OR14I1: variants seen among roughly 807,000 people sequenced by gnomAD.
The protein encoded by OR14I1 is olfactory receptor 14I1.
For synonymous variants in OR14I1, 118 were observed against 71.1 expected (o/e 1.66, Z -3.32); for missense variants, 279 against 181.8 (o/e 1.53, Z -3.07).
the OR14I1 span, among the ~76,000 whole-genome samples, chr1:248,695,277 G>A: frequency 5.2e-5 from 7 of 135,600 alleles, no homozygotes; most frequent in South Asian, 2.4e-4. Context: ...TCTGTCGCCC[G>A]GGCTGGAGTG....
At chr1:248,686,006 A>AACTT (rs113842116), upstream of OR14I1, among the ~76,000 whole-genome samples, 3,040 of 152,188 alleles carry the variant, frequency 0.02, 101 homozygotes, top group African/African-American at 0.07. Context: ...TATTAACAAA[A>AACTT]ACTTAGTAGT....
the OR14I1 span, among the ~76,000 whole-genome samples, chr1:248,702,276 T>C: frequency 1.4e-4 from 21 of 152,252 alleles, 1 homozygote; most frequent in South Asian, 3.3e-3. Context: ...CCTATGAGCC[T>C]GTAATATCAA....
chr1:248,690,524 A>G, the OR14I1 span, among the ~76,000 whole-genome samples: 1 of 148,986 alleles, frequency 6.7e-6, no homozygotes, highest in South Asian at 2.2e-4. Context: ...CCAAGACTAT[A>G]CCAGGAAGAA....
At chr1:248,689,381 T>A in the OR14I1 span, among the ~76,000 whole-genome samples, 1 of 152,172 alleles carries the variant, frequency 6.6e-6, no homozygotes, top group Non-Finnish European at 1.5e-5. Context: ...TCCAGGAACC[T>A]TACCTACCAG....
At chr1:248,702,249 C>T in the OR14I1 span, among the ~76,000 whole-genome samples, 3 of 152,250 alleles carry the variant, frequency 2.0e-5, no homozygotes, top group Non-Finnish European at 4.4e-5. Context: ...TTATCTGAGG[C>T]AAGAAAGTTC....
chr1:248,680,355 T>G (rs1288191304), downstream of OR14I1, among the ~76,000 whole-genome samples: 1 of 152,228 alleles, frequency 6.6e-6, no homozygotes, highest in African/African-American at 2.4e-5. Context: ...TAAAGTCCAG[T>G]GCCTAATGGA....
the OR14I1 span, among the ~76,000 whole-genome samples, chr1:248,694,907 C>T: frequency 6.6e-6 from 1 of 152,200 alleles, no homozygotes; most frequent in Non-Finnish European, 1.5e-5. Flanking sequence ...TATGCCTGTG[C>T]TGTCCAGTAC....
chr1:248,699,819 C>T, the OR14I1 span, among the ~76,000 whole-genome samples: 4 of 152,098 alleles, frequency 2.6e-5, no homozygotes, highest in Non-Finnish European at 4.4e-5. Context: ...AGTGCAGTGG[C>T]GCAATCTCGG....
chr1:248,696,468 G>A, the OR14I1 span, among the ~76,000 whole-genome samples: 3 of 152,084 alleles, frequency 2.0e-5, no homozygotes, highest in Admixed American at 2.0e-4. Context: ...ATGGAAGCGG[G>A]GAATCAGTCG....
the OR14I1 span, among the ~76,000 whole-genome samples, chr1:248,688,611 G>A: frequency 1.3e-5 from 2 of 152,140 alleles, no homozygotes; most frequent in Admixed American, 6.5e-5. Flanking sequence ...TCACAGACTG[G>A]TACAACTTTT....
the OR14I1 span, among the ~76,000 whole-genome samples, chr1:248,697,985 A>G: frequency 6.6e-6 from 1 of 152,238 alleles, no homozygotes; most frequent in Non-Finnish European, 1.5e-5. Context: ...AGACATTTAA[A>G]TGAGAAATGA....
chr1:248,679,030 G>T (rs1661518304), downstream of OR14I1, among the ~76,000 whole-genome samples: 1 of 152,166 alleles, frequency 6.6e-6, no homozygotes, highest in Non-Finnish European at 1.5e-5. Context: ...TGTATAAAAA[G>T]CTGTTAGATC....
At chr1:248,683,227 T>C (rs1661593077), upstream of OR14I1, among the ~76,000 whole-genome samples, 1 of 152,142 alleles carries the variant, frequency 6.6e-6, no homozygotes, top group Admixed American at 6.5e-5. Context: ...TCATAGAAAA[T>C]AACTTTGACT....
chr1:248,687,184 A>T (rs1438577200), upstream of OR14I1, among the ~76,000 whole-genome samples: 1 of 152,250 alleles, frequency 6.6e-6, no homozygotes, highest in East Asian at 1.9e-4. Context: ...CAGTGAAAAA[A>T]GTAAAGGATT....
chr1:248,690,600 CAAAAAAAAAAA>C, the OR14I1 span, among the ~76,000 whole-genome samples: 38 of 51,520 alleles, frequency 7.4e-4, no homozygotes, highest in Admixed American at 1.1e-3. Context: ...GTCTACCAAC[CAAAAAAAAAAA>C]AAAAAAAAAA....
At chr1:248,699,385 A>C in the OR14I1 span, among the ~76,000 whole-genome samples, 44 of 152,328 alleles carry the variant, frequency 2.9e-4, no homozygotes, top group Admixed American at 5.9e-4. Flanking sequence ...ACATAGGGTA[A>C]AAGTAGAAGA....
chr1:248,696,284 C>A, the OR14I1 span, among the ~76,000 whole-genome samples: 1 of 152,304 alleles, frequency 6.6e-6, no homozygotes, highest in East Asian at 1.9e-4. Flanking sequence ...GAGAATTCTT[C>A]AGGGAAATAC....
At chr1:248,690,256 A>G in the OR14I1 span, among the ~76,000 whole-genome samples, 118,245 of 151,918 alleles carry the variant, frequency 0.78, 47,644 homozygotes, top group Non-Finnish European at 0.88. Flanking sequence ...ATAGAGAAAC[A>G]AAGAAGCCTT....
At chr1:248,686,795 A>G (rs1414547727), upstream of OR14I1, among the ~76,000 whole-genome samples, 1 of 151,898 alleles carries the variant, frequency 6.6e-6, no homozygotes, top group African/African-American at 2.4e-5. Context: ...GCTTCTCAAT[A>G]TGTATTCACT....
Sources: allele counts gnomAD v4.1 joint callset (sites outside exome capture counted in the v4.1 genomes callset), GRCh38; gene constraint gnomAD v4.1.1; transcripts MANE v1.5; gene names NCBI Gene and HGNC (gene_info 2026-07-23, HGNC 2026-07-21).